Variants in TCF12 observed in about 807,000 individuals in gnomAD.
The protein encoded by TCF12 is DNA-binding protein HTF4.
Under a neutral mutation model 86.0 loss-of-function variants are expected in TCF12, and 45 were observed. The observed-to-expected ratio is 0.52, with a 90% confidence interval of 0.41 to 0.67. The LOEUF is 0.67. Among genes scored for constraint, TCF12 ranks in the 30% least tolerant of loss-of-function variants. TCF12 has a pLI of 0.00. For synonymous variants in TCF12, 330 were observed against 299.6 expected, an observed-to-expected ratio of 1.10 and a Z score of -1.05; for missense variants, 881 against 859.9, an observed-to-expected ratio of 1.02 and a Z score of -0.31.
intron 5 of TCF12, among the ~76,000 whole-genome samples, chr15:57,128,908 A>G (rs1169076232): frequency 1.3e-5 from 2 of 152,236 alleles, no homozygotes; most frequent in African/African-American, 2.4e-5. Flanking sequence ...GTATGGATAT[A>G]CCATTTTTTA....
chr15:57,089,652 G>A (rs2048867144), intron 4 of TCF12, among the ~76,000 whole-genome samples: 2 of 151,352 alleles, frequency 1.3e-5, no homozygotes, highest in South Asian at 2.1e-4. Flanking sequence ...AGAACTGGGA[G>A]GATACAAAAT....
chr15:57,211,310 A>G (rs1190157285), intron 8 of TCF12, among the ~76,000 whole-genome samples: 1 of 152,188 alleles, frequency 6.6e-6, no homozygotes, highest in Non-Finnish European at 1.5e-5. Context: ...CACGCTTCTA[A>G]TACTAGCACT....
At chr15:57,223,643 GTTTTTTT>G (rs550493641) in intron 8 of TCF12, among the ~76,000 whole-genome samples, 28 of 69,692 alleles carry the variant, frequency 4.0e-4, no homozygotes, top group Non-Finnish European at 5.8e-4. Context: ...TACCAATGAG[GTTTTTTT>G]TTTTTTTTTT....
chr15:57,051,379 C>A (rs745760322), intron 3 of TCF12, among the ~76,000 whole-genome samples: 10 of 152,140 alleles, frequency 6.6e-5, no homozygotes, highest in African/African-American at 2.4e-4. Flanking sequence ...AATTTTTGAA[C>A]CTTCCTCAGC....
chr15:57,229,657 G>A (rs2059041478), intron 8 of TCF12, among the ~76,000 whole-genome samples: 1 of 151,886 alleles, frequency 6.6e-6, no homozygotes. Flanking sequence ...TAGTGAACAG[G>A]TAATATTTAG....
intron 5 of TCF12, among the ~76,000 whole-genome samples, chr15:57,160,177 G>T (rs1407457980): frequency 6.6e-6 from 1 of 152,158 alleles, no homozygotes; most frequent in East Asian, 1.9e-4. Context: ...AGACATACCT[G>T]GGACTGGGTA....
chr15:57,226,567 C>T (rs1435319894), intron 8 of TCF12, among the ~76,000 whole-genome samples: 1 of 152,048 alleles, frequency 6.6e-6, no homozygotes, highest in Non-Finnish European at 1.5e-5. Flanking sequence ...AACAGAAGCC[C>T]AAACATAGTG....
intron 8 of TCF12, among the ~76,000 whole-genome samples, chr15:57,213,635 A>G (rs1166960108): frequency 6.6e-6 from 1 of 152,198 alleles, no homozygotes; most frequent in Non-Finnish European, 1.5e-5. Flanking sequence ...GTGCTGTTCC[A>G]TTTCTCATAA....
At chr15:57,076,411 A>C (rs1212598116) in intron 4 of TCF12, among the ~76,000 whole-genome samples, 2 of 152,154 alleles carry the variant, frequency 1.3e-5, no homozygotes, top group Non-Finnish European at 2.9e-5. Flanking sequence ...TAATCCCAGC[A>C]CTTTGGGAGA....
rs559029290 is a variant in TCF12 at position 57,246,951 on chromosome 15, T to C, written c.1114+3401T>C. On this transcript the variant is annotated intron_variant, in intron 13 of 20. Coordinates refer to ENST00000333725, the MANE Select transcript of TCF12 (RefSeq NM_207037.2). ...CCTGCTAAGAACTGTAGCCCTTTTC[T>C]GCTGTTTTTAGAACCTTCTGCTACC... The C allele has an allele frequency of 9.4e-6, 5 of 532,540 alleles. No homozygotes were observed. The East Asian group carries it at 2.6e-4, about 27-fold the overall frequency. 33.0% of individuals were successfully genotyped at this position (532,540 alleles called of 1,614,324 possible).
chr15:57,284,170 T>G (rs2061828658), intron 20 of TCF12, among the ~76,000 whole-genome samples: 1 of 152,150 alleles, frequency 6.6e-6, no homozygotes, highest in African/African-American at 2.4e-5. Flanking sequence ...TTTGAAGTTT[T>G]TTTGTTTGTT....
At chr15:57,045,437 G>A (rs1215831289) in intron 3 of TCF12, among the ~76,000 whole-genome samples, 1 of 152,198 alleles carries the variant, frequency 6.6e-6, no homozygotes, top group Admixed American at 6.5e-5. Context: ...TTAAAGAGCA[G>A]TGGGATCAGG....
chr15:57,077,939 T>C (rs2070275729), intron 4 of TCF12, among the ~76,000 whole-genome samples: 1 of 152,162 alleles, frequency 6.6e-6, no homozygotes, highest in Non-Finnish European at 1.5e-5. Flanking sequence ...ACATTTATTG[T>C]CTCGTCTATG....
Position 57,194,820 on chromosome 15 carries a change from G to C in TCF12, c.526+2527G>C, listed in dbSNP as rs552331166. On this transcript the variant is annotated intron_variant, in intron 7 of 20. Transcript: ENST00000333725. ...TGGAGGTAACTGAAGCTCAAAGAGG[G>C]TTAAGTAACTAGCTGCTATATGATG... Among the ~76,000 whole-genome samples the C allele has an allele frequency of 3.9e-5, 6 of 152,278 alleles. No individual in the cohort carries two copies. In the South Asian group the frequency reaches 1.2e-3, roughly 32 times the overall value.
At chr15:57,057,459 C>T (rs1341125696) in intron 3 of TCF12, among the ~76,000 whole-genome samples, 3 of 152,178 alleles carry the variant, frequency 2.0e-5, no homozygotes, top group Non-Finnish European at 2.9e-5. Flanking sequence ...GAAACTCACC[C>T]ATTCTGGTCT....
At chr15:57,204,213 A>G (rs1462323294) in intron 8 of TCF12, among the ~76,000 whole-genome samples, 3 of 152,170 alleles carry the variant, frequency 2.0e-5, no homozygotes, top group African/African-American at 7.2e-5. Flanking sequence ...AGGTGGGAGT[A>G]TCCCCTGAAT....
intron 5 of TCF12, among the ~76,000 whole-genome samples, chr15:57,102,599 A>G (rs1046015073): frequency 7.3e-6 from 1 of 137,442 alleles, no homozygotes; most frequent in African/African-American, 2.8e-5. Flanking sequence ...CTCTGTCTTT[A>G]AAAAAAAAAA....
chr15:56,992,499 G>C (rs780572349), intron 3 of TCF12, among the ~76,000 whole-genome samples: 14 of 152,156 alleles, frequency 9.2e-5, no homozygotes, highest in Non-Finnish European at 1.3e-4. Flanking sequence ...ACTATTGAAA[G>C]TCACATAACA....
At chr15:57,248,172 C>T (rs555385771) in intron 13 of TCF12, 422 of 694,624 alleles carry the variant, frequency 6.1e-4, no homozygotes, top group Non-Finnish European at 8.5e-4. Flanking sequence ...TTTCCCCTTA[C>T]GTCTTATTGG....
Sources: allele counts gnomAD v4.1 joint callset (sites outside exome capture counted in the v4.1 genomes callset), GRCh38; gene constraint gnomAD v4.1.1; transcripts MANE v1.5; gene names NCBI Gene and HGNC (gene_info 2026-07-23, HGNC 2026-07-21).